DPP10: variants seen among roughly 807,000 people sequenced by gnomAD.
DPP10 encodes the protein inactive dipeptidyl peptidase 10.
Under a neutral mutation model 120.9 loss-of-function variants are expected in DPP10, and 33 were observed. The observed-to-expected ratio is 0.27, with a 90% CI of 0.21 to 0.37. The LOEUF (loss-of-function observed/expected upper bound fraction) is 0.37, where lower values mean the gene tolerates loss of function less well. Ranked by LOEUF, DPP10 falls within the 10% of genes least tolerant of loss-of-function variation. The pLI is 1.00. For missense variants in DPP10, 816 were observed against 942.8 expected (o/e 0.87, Z 1.76); for synonymous variants, 337 against 326.1 (o/e 1.03, Z -0.36).
rs71881888 is a variant in DPP10, at chr2:115,554,001, T to TCACACACA, written c.441+28063_441+28070dup. 3.4e-3 allele frequency among the ~76,000 whole-genome samples: 459 copies of TCACACACA among 135,578 alleles called. 3 individuals carry two copies. Among genetic ancestry groups the TCACACACA allele is most frequent in the African/African-American group, 8.7e-3 (321 of 36,898 alleles). The allele number at this position is 135,578 out of a possible 152,430, so 88.9% of individuals were successfully genotyped here. A position where few individuals can be genotyped will look rare whatever the true frequency, so the allele number is the denominator to read the frequency against. ...CGACACCTATCTCTCTCTCTCTCTT[T>TCACACACA]CACACACACACACACACACACACAC... On this transcript the variant is annotated intron_variant, in intron 5 of 25. Coordinates refer to ENST00000410059, the MANE Select transcript of DPP10 (RefSeq NM_020868.6).
intron 3 of DPP10, among the ~76,000 whole-genome samples, chr2:115,471,203 T>C (rs1448461): frequency 0.83 from 125,921 of 152,158 alleles, 55,173 homozygotes; most frequent in Non-Finnish European, 0.97. Flanking sequence ...TAGGTTCAAT[T>C]CATAGAAAAG....
At position 115,727,597 on chromosome 2, in the gene DPP10, G is replaced by C. The variant is rs112627904; in HGVS notation, c.577-219G>C. Among the ~76,000 whole-genome samples the C allele has an allele frequency of 5.9e-3, 891 of 152,198 alleles. 6 individuals are homozygous for C. Among genetic ancestry groups the C allele is most frequent in the Non-Finnish European group, 9.4e-3 (638 of 67,978 alleles). ...ATGGATTTAAAAGCATCAATACCAA[G>C]TGCCATGGAATTTCCAAATGACAAC... On this transcript the variant is annotated intron_variant, in intron 7 of 25. Transcript: ENST00000410059.
At chr2:115,016,960 GA>G (rs898441015) in intron 1 of DPP10, among the ~76,000 whole-genome samples, 6 of 148,542 alleles carry the variant, frequency 4.0e-5, no homozygotes, top group Admixed American at 2.1e-4. Context: ...CGCAAGGACA[GA>G]AAACCAAACA....
intron 3 of DPP10, among the ~76,000 whole-genome samples, chr2:115,473,700 T>A (rs2105200194): frequency 6.6e-6 from 1 of 152,336 alleles, no homozygotes; most frequent in East Asian, 1.9e-4. Flanking sequence ...AGAAATCAGC[T>A]AACTTTATGA....
At chr2:114,482,610 G>A (rs1185089080) in intron 1 of DPP10, among the ~76,000 whole-genome samples, 2 of 152,092 alleles carry the variant, frequency 1.3e-5, no homozygotes, top group Non-Finnish European at 2.9e-5. Flanking sequence ...GTAGACTGAA[G>A]ATAAAAGTAT....
chr2:115,025,044 T>C (rs929539057), intron 1 of DPP10, among the ~76,000 whole-genome samples: 3 of 151,516 alleles, frequency 2.0e-5, no homozygotes, highest in Non-Finnish European at 4.4e-5. Context: ...CTAGATAATT[T>C]GAATGTACAA....
chr2:114,443,601 G>A (rs1402172333), intron 1 of DPP10, among the ~76,000 whole-genome samples: 1 of 150,752 alleles, frequency 6.6e-6, no homozygotes, highest in African/African-American at 2.4e-5. Flanking sequence ...TCCAATCAAA[G>A]TTTACTATAT....
At chr2:114,982,608 T>C (rs1700151445) in intron 1 of DPP10, among the ~76,000 whole-genome samples, 2 of 152,054 alleles carry the variant, frequency 1.3e-5, no homozygotes, top group African/African-American at 4.8e-5. Flanking sequence ...TTTTCTTTTT[T>C]TTTTTTAATT....
Position 115,412,464 on chromosome 2 carries a change from G to T in DPP10, c.271+68552G>T, listed in dbSNP as rs532365924. Reference sequence around the variant, plus strand: ...ATTGAAGAACAAAAAGAAACACTCTGTAAATACAGGTGTCTACTCGAAGGT... The same window carrying T: ...ATTGAAGAACAAAAAGAAACACTCTTTAAATACAGGTGTCTACTCGAAGGT... On this transcript the variant is annotated intron_variant, in intron 3 of 25. Coordinates refer to ENST00000410059, the MANE Select transcript of DPP10 (RefSeq NM_020868.6). 2.0e-5 allele frequency among the ~76,000 whole-genome samples: 3 copies of T among 152,322 alleles called. No individual in the cohort carries two copies. In the East Asian group the frequency reaches 5.8e-4, roughly 29 times the overall value.
intron 21 of DPP10, among the ~76,000 whole-genome samples, chr2:115,818,180 G>C (rs1032635575): frequency 6.6e-6 from 1 of 152,088 alleles, no homozygotes; most frequent in African/African-American, 2.4e-5. Flanking sequence ...TTTCTTATTA[G>C]GGTTCTTGGA....
chr2:115,789,541 T>A (rs1254672667), intron 17 of DPP10, among the ~76,000 whole-genome samples: 1 of 152,204 alleles, frequency 6.6e-6, no homozygotes, highest in African/African-American at 2.4e-5. Context: ...AGAATGATGC[T>A]CCTGCCTGAG....
intron 7 of DPP10, among the ~76,000 whole-genome samples, chr2:115,691,621 C>A (rs2149502515): frequency 6.6e-6 from 1 of 152,202 alleles, no homozygotes; most frequent in Admixed American, 6.5e-5. Context: ...TACTAGCTGA[C>A]AAGGCAGTTT....
intron 1 of DPP10, among the ~76,000 whole-genome samples, chr2:114,668,423 C>T (rs567902007): frequency 1.3e-5 from 2 of 152,254 alleles, no homozygotes; most frequent in Admixed American, 1.3e-4. Flanking sequence ...ATAATGCCTG[C>T]CTACATTTGG....
chr2:114,718,828 G>C (rs562331136), intron 1 of DPP10, among the ~76,000 whole-genome samples: 2 of 152,306 alleles, frequency 1.3e-5, no homozygotes, highest in South Asian at 4.1e-4. Context: ...TTATTTTATG[G>C]TTGTGGAAAC....
chr2:115,037,604 T>G (rs190022783), intron 1 of DPP10, among the ~76,000 whole-genome samples: 5 of 152,162 alleles, frequency 3.3e-5, no homozygotes, highest in Non-Finnish European at 7.4e-5. Flanking sequence ...GGGAATTTGT[T>G]AATAATGCAG....
At position 115,672,586 on chromosome 2, in the gene DPP10, G is replaced by A. The variant is rs113711589; in HGVS notation, c.442-17101G>A. On this transcript the variant is annotated intron_variant, in intron 5 of 25. Coordinates refer to ENST00000410059, the MANE Select transcript of DPP10 (RefSeq NM_020868.6). ...TTTTTATCTTGTCCCTGATGCTTTC[G>A]TTTCCTTCCTTGATTGATTGTCATC... Among the ~76,000 whole-genome samples the A allele has an allele frequency of 3.3e-5, 5 of 151,956 alleles. 1 individual carries two copies. In the South Asian group the frequency reaches 8.3e-4, roughly 25 times the overall value.
At chr2:114,627,484 T>C (rs1343493781) in intron 1 of DPP10, among the ~76,000 whole-genome samples, 1 of 152,102 alleles carries the variant, frequency 6.6e-6, no homozygotes, top group Non-Finnish European at 1.5e-5. Flanking sequence ...CAGGCATAAC[T>C]AAACCTGGCA....
At chr2:114,513,024 G>A (rs1049082723) in intron 1 of DPP10, among the ~76,000 whole-genome samples, 3 of 152,162 alleles carry the variant, frequency 2.0e-5, no homozygotes, top group Non-Finnish European at 4.4e-5. Context: ...AAGGAGGAAG[G>A]GGGAGGGAAG....
chr2:115,042,512 C>T (rs914290348), intron 1 of DPP10, among the ~76,000 whole-genome samples: 7 of 152,208 alleles, frequency 4.6e-5, no homozygotes, highest in African/African-American at 7.2e-5. Context: ...GTGCTCCACC[C>T]GCCTCAGCCT....
Sources: gnomAD v4.1 joint callset for allele counts (sites outside exome capture counted in the v4.1 genomes callset) on GRCh38, gnomAD v4.1.1 for gene constraint, MANE v1.5 for transcripts, NCBI Gene and HGNC (gene_info 2026-07-23, HGNC 2026-07-21) for gene names.